Variants in GTF2IRD1 observed in about 807,000 individuals in gnomAD.
The protein encoded by GTF2IRD1 is GTF2I repeat domain containing 1, also known as general transcription factor II-I repeat domain-containing protein 1.
A neutral mutation model predicts 113.2 loss-of-function variants in GTF2IRD1; 26 were observed. The observed-to-expected ratio is 0.23, with a 90% CI of 0.17 to 0.32. The LOEUF is 0.32. GTF2IRD1 is among the 10% of genes least tolerant of loss of function. GTF2IRD1 has a pLI of 1.00. For missense variants in GTF2IRD1, 864 were observed against 1,280.8 expected (o/e 0.67, Z 4.97); for synonymous variants, 484 against 529.1 (o/e 0.91, Z 1.17).
At chr7:74,497,512 C>T (rs1174351411) in intron 1 of GTF2IRD1, among the ~76,000 whole-genome samples, 1 of 152,162 alleles carries the variant, frequency 6.6e-6, no homozygotes, top group Non-Finnish European at 1.5e-5. Flanking sequence ...GCCTCAGCCT[C>T]CCAAAGTGCT....
At chr7:74,591,112 C>G in intron 24 of GTF2IRD1, 95 bp downstream of exon 24, 1 of 731,122 alleles carries the variant, frequency 1.4e-6, no homozygotes, top group South Asian at 1.7e-5. Context: ...GATCCAGACC[C>G]AGGTGTACTG....
At chr7:74,478,222 T>C (rs1290108395) in intron 1 of GTF2IRD1, among the ~76,000 whole-genome samples, 1 of 152,180 alleles carries the variant, frequency 6.6e-6, no homozygotes, top group Non-Finnish European at 1.5e-5. Flanking sequence ...GACAGAGATA[T>C]ACTGTGAGCA....
chr7:74,539,351 G>A (rs1185552000), intron 13 of GTF2IRD1, among the ~76,000 whole-genome samples: 1 of 152,130 alleles, frequency 6.6e-6, no homozygotes, highest in African/African-American at 2.4e-5. Context: ...AGGAGGCTAG[G>A]GCAGGAGGAT....
chr7:74,527,225 A>G (rs1256620540), intron 8 of GTF2IRD1, among the ~76,000 whole-genome samples: 2 of 152,236 alleles, frequency 1.3e-5, no homozygotes, highest in Admixed American at 6.5e-5. Context: ...GCGGTGGCTC[A>G]TGCCTGTAAT....
chr7:74,539,447 CA>C (rs1165663901), intron 13 of GTF2IRD1, among the ~76,000 whole-genome samples: 4 of 150,260 alleles, frequency 2.7e-5, no homozygotes, highest in African/African-American at 7.3e-5. Flanking sequence ...GACCCTATCT[CA>C]AAAAAAAAGA....
At chr7:74,538,218 G>A in intron 12 of GTF2IRD1, 45 bp downstream of exon 12, 1 of 1,582,030 alleles carries the variant, frequency 6.3e-7, no homozygotes, top group Non-Finnish European at 8.7e-7. Flanking sequence ...GGCCGGGAGG[G>A]CAACCACCAG....
chr7:74,544,619 C>T, intron 14 of GTF2IRD1, 136 bp from the exon 15 acceptor site: 1 of 722,312 alleles, frequency 1.4e-6, no homozygotes, highest in Non-Finnish European at 2.4e-6. Flanking sequence ...GGTCCCTGAT[C>T]CCATTGGAGT....
At chr7:74,455,878 C>T (rs1264398791) in intron 1 of GTF2IRD1, among the ~76,000 whole-genome samples, 1 of 152,184 alleles carries the variant, frequency 6.6e-6, no homozygotes, top group Non-Finnish European at 1.5e-5. Flanking sequence ...GGTTGAAACT[C>T]CGCAGCCACT....
intron 22 of GTF2IRD1, among the ~76,000 whole-genome samples, chr7:74,561,256 G>T (rs1799942919): frequency 6.6e-6 from 1 of 151,550 alleles, no homozygotes. Flanking sequence ...GGCTGAGGCA[G>T]GAGAATCACT....
intron 1 of GTF2IRD1, among the ~76,000 whole-genome samples, chr7:74,474,851 G>A (rs565654674): frequency 1.3e-5 from 2 of 152,248 alleles, no homozygotes; most frequent in Non-Finnish European, 2.9e-5. Flanking sequence ...AGTGGCTCGG[G>A]CCTGTAATCC....
Position 74,512,991 on chromosome 7 carries a change from G to A in GTF2IRD1, c.265+20G>A, listed in dbSNP as rs576371797. On this transcript the variant is annotated intron_variant, in intron 3 of 26. Transcript: ENST00000424337. The surrounding 1 kb of genome is among the most constrained non-coding windows in gnomAD (Gnocchi z 4.4). Reference sequence around the variant, plus strand: ...TCTGCCGTGAGTACCCCAGGGCTCCGGAGGGCCGGGCCCGCCATTTCCCGA... The same window carrying A: ...TCTGCCGTGAGTACCCCAGGGCTCCAGAGGGCCGGGCCCGCCATTTCCCGA... 33 of 1,608,062 alleles carry A rather than the reference G, an allele frequency of 2.1e-5. No individual in the cohort carries two copies. The East Asian group carries it at 4.9e-4, about 24-fold the overall frequency.
intron 1 of GTF2IRD1, among the ~76,000 whole-genome samples, chr7:74,502,451 C>T (rs1165186663): frequency 6.6e-6 from 1 of 152,226 alleles, no homozygotes; most frequent in Non-Finnish European, 1.5e-5. Flanking sequence ...TCACTCTCTG[C>T]TAGCCTCCTA....
chr7:74,591,015 C>T lies in GTF2IRD1; in HGVS notation c.2589C>T (p.Leu863=), dbSNP rs781965349. The T allele has an allele frequency of 1.2e-6, 2 of 1,606,200 alleles. No individual in the cohort carries two copies. Among genetic ancestry groups the T allele is most frequent in the African/African-American group, 2.7e-5 (2 of 74,666 alleles). ...EHVRMVIINQ[L]QPFAEICNDA... Reference sequence around the variant, plus strand: ...TCCGCATGGTCATCATTAACCAGCTCCAGTGAGTGCCCGGCCTCTGGAACG... The same window carrying T: ...TCCGCATGGTCATCATTAACCAGCTTCAGTGAGTGCCCGGCCTCTGGAACG... Residue 863 remains leucine, a splice_region_variant and synonymous_variant, in exon 24 of 27, where the codon CTC becomes CTT. Transcript: ENST00000424337.
chr7:74,568,739 C>T (rs587605910), intron 22 of GTF2IRD1, among the ~76,000 whole-genome samples: 1 of 152,270 alleles, frequency 6.6e-6, no homozygotes, highest in African/African-American at 2.4e-5. Context: ...CTGCCTGCTC[C>T]TTCTCTCAGG....
intron 8 of GTF2IRD1, among the ~76,000 whole-genome samples, chr7:74,528,005 T>G (rs1419830812): frequency 6.6e-6 from 1 of 152,146 alleles, no homozygotes; most frequent in Non-Finnish European, 1.5e-5. Flanking sequence ...TTCTGGGGTG[T>G]GTTTTGTTTA....
In GTF2IRD1 at chr7:74,488,274, C is replaced by G. The variant is rs1006065918; in HGVS notation, c.-6-19801C>G. ...ACTCCAGCCTAGAGACAGAGTGAGA[C>G]CCTGTGTCAAAATAAAGAATTGTAG... On this transcript the variant is annotated intron_variant, in intron 1 of 26. Coordinates refer to ENST00000424337, the MANE Select transcript of GTF2IRD1 (RefSeq NM_005685.4). Among the ~76,000 whole-genome samples the G allele has an allele frequency of 5.3e-5, 8 of 152,070 alleles. No homozygotes were observed. In the South Asian group the frequency reaches 6.2e-4, roughly 12 times the overall value.
chr7:74,547,542 G>A (rs1266344183), intron 17 of GTF2IRD1, among the ~76,000 whole-genome samples: 1 of 148,672 alleles, frequency 6.7e-6, no homozygotes, highest in African/African-American at 2.5e-5. Flanking sequence ...GGCTTCAAGC[G>A]AGTCTCCTGC....
In GTF2IRD1 at chr7:74,555,032, C is replaced by T. The variant is rs1799513411; in HGVS notation, c.1917-142C>T. 5.8e-6 allele frequency: 4 copies of T among 693,418 alleles called. No homozygotes were observed. The highest frequency in any genetic ancestry group is 9.6e-6 in the Non-Finnish European group (4 of 417,848). The allele number at this position is 693,418 out of a possible 1,614,324, so 43.0% of individuals were successfully genotyped here. A position where few individuals can be genotyped will look rare whatever the true frequency, so the allele number is the denominator to read the frequency against. ...AGCCCCCCAGATTCCACATGTGGGG[C>T]GGCAGGGACTCCAGGCCTGAACTAT... On this transcript the variant is annotated intron_variant, in intron 17 of 26. Coordinates refer to ENST00000424337, the MANE Select transcript of GTF2IRD1 (RefSeq NM_005685.4). The surrounding 1 kb of genome is among the most constrained non-coding windows in gnomAD (Gnocchi z 5.3).
chr7:74,539,547 C>A (rs1412654552), intron 13 of GTF2IRD1, among the ~76,000 whole-genome samples: 1 of 152,146 alleles, frequency 6.6e-6, no homozygotes, highest in African/African-American at 2.4e-5. Flanking sequence ...AGTTAGAGAC[C>A]AGCCTGGCCA....
Sources: gnomAD v4.1 joint callset for allele counts (sites outside exome capture counted in the v4.1 genomes callset) on GRCh38, gnomAD v4.1.1 for gene constraint, Gnocchi (gnomAD v3.1) non-coding constraint, MANE v1.5 for transcripts, NCBI Gene and HGNC (gene_info 2026-07-23, HGNC 2026-07-21) for gene names.